The following PHLPP2 variants were observed in gnomAD, a reference collection of about 807,000 sequenced individuals.
PHLPP2 encodes the protein PH domain leucine-rich repeat-containing protein phosphatase 2.
In PHLPP2, 66 loss-of-function variants were observed where a neutral mutation model predicts 124.9. The observed-to-expected ratio is 0.53, with a 90% CI of 0.43 to 0.65. The LOEUF (loss-of-function observed/expected upper bound fraction) is 0.65, where lower values mean the gene tolerates loss of function less well. PHLPP2 is among the 30% of genes least tolerant of loss of function. The probability of loss-of-function intolerance (pLI) is 0.00; values close to 1 mark genes in which losing one functional copy is unlikely to be tolerated. For missense variants in PHLPP2, 1,685 were observed against 1,600.4 expected, an observed-to-expected ratio of 1.05 and a Z score of -0.90; for synonymous variants, 681 against 624.7, an observed-to-expected ratio of 1.09 and a Z score of -1.34.
rs957836787 is a variant in PHLPP2, at chr16:71,645,769, C to A, written c.*3121G>T. On this transcript the variant is annotated 3_prime_UTR_variant, in exon 19 of 19. Transcript: ENST00000568954. ...ACCAATGTATTGCACACATACACTTCACAGTAGTACAATAAAGCCCTGTAT... is the reference window on the plus strand; with the variant it reads ...ACCAATGTATTGCACACATACACTTAACAGTAGTACAATAAAGCCCTGTAT... The A allele has an allele frequency of 6.5e-6, 1 of 153,088 alleles. No individual in the cohort carries two copies. Among genetic ancestry groups the A allele is most frequent in the African/African-American group, 2.4e-5 (1 of 41,460 alleles). 9.5% of individuals were successfully genotyped at this position (153,088 alleles called of 1,614,324 possible). A position where few individuals can be genotyped will look rare whatever the true frequency, so the allele number is the denominator to read the frequency against.
At chr16:71,676,816 T>C in intron 8 of PHLPP2, 167 bp from the exon 9 acceptor site, 1 of 590,472 alleles carries the variant, frequency 1.7e-6, no homozygotes, top group Admixed American at 2.9e-5. Context: ...TGGCGTGATC[T>C]CGGTTCACTG....
Position 71,667,321 on chromosome 16 carries a change from G to C in PHLPP2, c.1641C>G (p.Ser547Arg), listed in dbSNP as rs897833299. Residue 547 changes from serine (S) to arginine (R), a missense_variant, in exon 12 of 19, where the codon AGC (serine) becomes AGG (arginine). By Grantham distance (110) the Ser-to-Arg change is moderately radical. Coordinates refer to ENST00000568954, the MANE Select transcript of PHLPP2 (RefSeq NM_015020.3). Reference sequence around the variant, plus strand: ...CCAGCATCAGTTTTCTAAGACTCAAGCTACTCAGAATTCTAAGGGGGGAGC... The same window carrying C: ...CCAGCATCAGTTTTCTAAGACTCAACCTACTCAGAATTCTAAGGGGGGAGC... ...LTEVPVRILS[S>R]LSLRKLMLGH... 6.2e-7 allele frequency: 1 copy of C among 1,612,386 alleles called. No individual in the cohort carries two copies. The highest frequency in any genetic ancestry group is 1.3e-5 in the African/African-American group (1 of 74,848).
intron 8 of PHLPP2, chr16:71,678,363 G>C (rs895069473): frequency 5.4e-6 from 1 of 186,078 alleles, no homozygotes; most frequent in African/African-American, 2.4e-5. Context: ...TAAAGTTATG[G>C]GCCAGGTGCG....
At chr16:71,690,011 T>C (rs2045093350) in intron 4 of PHLPP2, among the ~76,000 whole-genome samples, 1 of 152,198 alleles carries the variant, frequency 6.6e-6, no homozygotes, top group South Asian at 2.1e-4. Context: ...TATTAACATA[T>C]CTGTTTATGG....
intron 4 of PHLPP2, among the ~76,000 whole-genome samples, chr16:71,687,705 C>A (rs1208300823): frequency 6.6e-6 from 1 of 152,044 alleles, no homozygotes; most frequent in Non-Finnish European, 1.5e-5. Context: ...ATGTCTCTAT[C>A]CTCTTATCCC....
chr16:71,678,807 G>A lies in PHLPP2; in HGVS notation c.1216C>T (p.Leu406=), dbSNP rs769238409. Residue 406 remains leucine (L), a synonymous_variant, in exon 8 of 19, where the codon CTG becomes TTG. Transcript: ENST00000568954. ...ATCCTATTCAGCACCCCTAAGTTCA[G>A]GACTTCCAGGCAATTTCCTGCCATA... ...VVMAGNCLEV[L]NLGVLNRMNH... The A allele has an allele frequency of 6.2e-7, 1 of 1,612,602 alleles. No individual in the cohort carries two copies. The highest frequency in any genetic ancestry group is 1.7e-5 in the Admixed American group (1 of 60,026).
At chr16:71,676,312 A>G in intron 9 of PHLPP2, 135 bp downstream of exon 9, 1 of 641,596 alleles carries the variant, frequency 1.6e-6, no homozygotes, top group East Asian at 2.7e-5. Flanking sequence ...CAAAGTGAAG[A>G]GATAAAGCTT....
At chr16:71,693,352 C>G (rs2145357231) in intron 3 of PHLPP2, among the ~76,000 whole-genome samples, 1 of 152,266 alleles carries the variant, frequency 6.6e-6, no homozygotes, top group African/African-American at 2.4e-5. Flanking sequence ...GCAGCAGCTC[C>G]TTCTCACAAC....
In PHLPP2 at chr16:71,664,025, C is replaced by T. The variant is rs376888283; in HGVS notation, c.1859G>A (p.Ser620Asn). The T allele has an allele frequency of 6.2e-7, 1 of 1,613,842 alleles. No homozygotes were observed. The highest frequency in any genetic ancestry group is 8.5e-7 in the Non-Finnish European group (1 of 1,179,818). The part of the protein sequence containing the change: ...PSACTGEESL[S>N]MLQLLYLTNN... ...GGTCAGATAAAGCAGCTGCAGCATACTCAAACTCTCCTCTCCAGTGCAGGC... is the reference window on the plus strand; with the variant it reads ...GGTCAGATAAAGCAGCTGCAGCATATTCAAACTCTCCTCTCCAGTGCAGGC... The change falls in exon 13 of 19, where the codon AGT (serine) becomes AAT (asparagine). Residue 620 changes from serine to asparagine, a missense_variant. Ser to Asn is a conservative substitution (Grantham distance 46). Coordinates refer to ENST00000568954, the MANE Select transcript of PHLPP2 (RefSeq NM_015020.3).
chr16:71,654,739 T>A (rs1393122289), intron 17 of PHLPP2, among the ~76,000 whole-genome samples: 1 of 152,238 alleles, frequency 6.6e-6, no homozygotes, highest in Non-Finnish European at 1.5e-5. Context: ...CTTACATCCT[T>A]ATCAGGGTGT....
chr16:71,690,663 G>A lies in PHLPP2; in HGVS notation c.465C>T (p.Gly155=), dbSNP rs1442538490. Residue 155 remains glycine, a synonymous_variant, in exon 4 of 19, where the codon GGC becomes GGT. Transcript: ENST00000568954. ...MDRLDRILLS[G]IYNVRKGKTQ... is the part of the protein sequence containing the mutation. ...TCTTTCCCTTGCGTACATTATAGAT[G>A]CCAGACAATAGGATTCGATCCAAAC... is the stretch of plus-strand genomic sequence containing the variant. 6.2e-7 allele frequency: 1 copy of A among 1,613,692 alleles called. No homozygotes were observed.
chr16:71,710,771 A>G (rs1383907857), intron 2 of PHLPP2, among the ~76,000 whole-genome samples: 4 of 152,164 alleles, frequency 2.6e-5, no homozygotes, highest in Non-Finnish European at 2.9e-5. Context: ...TCTTCATATC[A>G]TTTATAATTT....
chr16:71,687,005 T>G (rs1450087033), intron 4 of PHLPP2, among the ~76,000 whole-genome samples: 1 of 152,256 alleles, frequency 6.6e-6, no homozygotes, highest in Non-Finnish European at 1.5e-5. Context: ...TTACAAAAAA[T>G]GAATAACTGT....
chr16:71,677,775 A>G, intron 8 of PHLPP2: 1 of 152,170 alleles, frequency 6.6e-6, no homozygotes, highest in East Asian at 1.9e-4. Flanking sequence ...AAAAGTTCTT[A>G]GTAATGAAAC....
At chr16:71,707,444 G>A (rs1160987778) in intron 2 of PHLPP2, among the ~76,000 whole-genome samples, 4 of 152,098 alleles carry the variant, frequency 2.6e-5, no homozygotes. Flanking sequence ...ACAGCGGCTG[G>A]TCACCAGAAA....
chr16:71,653,423 T>G (rs2044712715), intron 17 of PHLPP2, among the ~76,000 whole-genome samples: 1 of 152,136 alleles, frequency 6.6e-6, no homozygotes, highest in Non-Finnish European at 1.5e-5. Flanking sequence ...TAAACTATAC[T>G]TTAAGCAATT....
chr16:71,693,893 G>T (rs2045139931), intron 3 of PHLPP2, among the ~76,000 whole-genome samples: 1 of 152,094 alleles, frequency 6.6e-6, no homozygotes. Context: ...TATCATATAT[G>T]TATATTAGTA....
At chr16:71,680,885 T>C (rs2044990953) in intron 6 of PHLPP2, among the ~76,000 whole-genome samples, 1 of 152,208 alleles carries the variant, frequency 6.6e-6, no homozygotes, top group African/African-American at 2.4e-5. Flanking sequence ...TTAAAATTAT[T>C]GCTTGTTTTC....
chr16:71,714,995 C>T (rs2045351883), intron 1 of PHLPP2, 194 bp from the exon 2 acceptor site: 1 of 640,830 alleles, frequency 1.6e-6, no homozygotes, highest in African/African-American at 1.8e-5. Flanking sequence ...TTACTGCTGT[C>T]TGTGTTTCCA....
Sources: allele counts gnomAD v4.1 joint callset (sites outside exome capture counted in the v4.1 genomes callset), GRCh38; gene constraint gnomAD v4.1.1; transcripts MANE v1.5; gene names NCBI Gene and HGNC (gene_info 2026-07-23, HGNC 2026-07-21).